The following CDH4 variants were observed in gnomAD, a reference collection of about 807,000 sequenced individuals.
The protein encoded by CDH4 is cadherin 4, also known as cadherin-4.
Under a neutral mutation model 86.0 loss-of-function variants are expected in CDH4, and 33 were observed. The ratio of observed to expected loss-of-function variants is 0.38; its 90% confidence interval spans 0.29 to 0.51. The LOEUF is 0.51. Among genes scored for constraint, CDH4 ranks in the 20% least tolerant of loss-of-function variants. The pLI is 0.86. For missense variants in CDH4, 1,114 were observed against 1,307.4 expected, an observed-to-expected ratio of 0.85 and a Z score of 2.28; for synonymous variants, 555 against 549.4, an observed-to-expected ratio of 1.01 and a Z score of -0.14.
intron 2 of CDH4, among the ~76,000 whole-genome samples, chr20:61,385,780 GC>G (rs1172233147): frequency 1.3e-5 from 2 of 152,128 alleles, no homozygotes; most frequent in African/African-American, 4.8e-5. Flanking sequence ...CGTGGGAGAA[GC>G]CGTACTCCCC....
intron 2 of CDH4, among the ~76,000 whole-genome samples, chr20:61,503,442 CT>C (rs1277684087): frequency 6.6e-6 from 1 of 152,214 alleles, no homozygotes; most frequent in Non-Finnish European, 1.5e-5. Flanking sequence ...GAGAAAATTT[CT>C]TTTGAAAAAG....
chr20:61,705,446 TG>T (rs1222874100), intron 2 of CDH4, among the ~76,000 whole-genome samples: 1 of 152,260 alleles, frequency 6.6e-6, no homozygotes, highest in Non-Finnish European at 1.5e-5. Context: ...TATTGCTCAC[TG>T]GGTCTAACCC....
At chr20:61,631,625 C>T (rs1290703094) in intron 2 of CDH4, among the ~76,000 whole-genome samples, 1 of 152,070 alleles carries the variant, frequency 6.6e-6, no homozygotes, top group Non-Finnish European at 1.5e-5. Context: ...GCATGGGCAA[C>T]AAAGCAAAAC....
rs1320246601 is a variant in CDH4 at position 61,821,952 on chromosome 20, G to A, written c.577-22716G>A. On this transcript the variant is annotated intron_variant, in intron 4 of 15. Transcript: ENST00000614565. ...GCCTCCTTGTGTGGGGTGCAGACAG[G>A]ATTCCCCAGGCTCTTCATGAGCAAG... 2.0e-5 allele frequency among the ~76,000 whole-genome samples: 3 copies of A among 152,250 alleles called. No individual in the cohort carries two copies. In the East Asian group the frequency reaches 5.8e-4, roughly 29 times the overall value.
At chr20:61,434,276 G>T (rs928795071) in intron 2 of CDH4, among the ~76,000 whole-genome samples, 2 of 152,104 alleles carry the variant, frequency 1.3e-5, no homozygotes, top group African/African-American at 4.8e-5. Context: ...TTGCATAATC[G>T]AATTTAGCCC....
intron 2 of CDH4, among the ~76,000 whole-genome samples, chr20:61,669,075 C>T (rs2087358400): frequency 6.6e-6 from 1 of 152,172 alleles, no homozygotes; most frequent in Non-Finnish European, 1.5e-5. Context: ...GGGGATGGTG[C>T]CTGCCATAGC....
chr20:61,606,893 C>T (rs1311735249), intron 2 of CDH4, among the ~76,000 whole-genome samples: 1 of 152,248 alleles, frequency 6.6e-6, no homozygotes, highest in Non-Finnish European at 1.5e-5. Context: ...CAGGCTACCG[C>T]CGGGATGTCC....
intron 3 of CDH4, among the ~76,000 whole-genome samples, chr20:61,768,190 T>TAC (rs375855009): frequency 7.9e-5 from 12 of 152,028 alleles, no homozygotes; most frequent in South Asian, 4.2e-4. Context: ...ATGTGCTCTA[T>TAC]ACACACACAC....
intron 2 of CDH4, among the ~76,000 whole-genome samples, chr20:61,639,466 A>C (rs143038835): frequency 5.2e-4 from 79 of 152,350 alleles, no homozygotes; most frequent in African/African-American, 1.8e-3. Context: ...ATGCTGGCTA[A>C]TGTTCAATGC....
At chr20:61,827,797 G>A (rs1301836456) in intron 4 of CDH4, among the ~76,000 whole-genome samples, 3 of 152,160 alleles carry the variant, frequency 2.0e-5, no homozygotes, top group African/African-American at 7.2e-5. Context: ...AGAGACGACA[G>A]GGTCACACCA....
At chr20:61,586,589 A>C (rs1488994571) in intron 2 of CDH4, among the ~76,000 whole-genome samples, 4 of 152,220 alleles carry the variant, frequency 2.6e-5, no homozygotes, top group Non-Finnish European at 4.4e-5. Flanking sequence ...TTCTGAAGGA[A>C]AATTAAGCAG....
chr20:61,752,097 C>T (rs564049830), intron 3 of CDH4, among the ~76,000 whole-genome samples: 1 of 152,204 alleles, frequency 6.6e-6, no homozygotes, highest in East Asian at 1.9e-4. Context: ...TTTGGGAGGC[C>T]AAGGTGGGCA....
chr20:61,816,017 G>A (rs1407927902), intron 4 of CDH4, among the ~76,000 whole-genome samples: 1 of 152,186 alleles, frequency 6.6e-6, no homozygotes, highest in Non-Finnish European at 1.5e-5. Flanking sequence ...CATAAACCCA[G>A]GGAAGCTGCA....
chr20:61,343,364 G>C (rs538224334), intron 2 of CDH4, among the ~76,000 whole-genome samples: 1 of 152,216 alleles, frequency 6.6e-6, no homozygotes, highest in Non-Finnish European at 1.5e-5. Context: ...TTATATCAAG[G>C]GATTGGCTGG....
chr20:61,279,450 TTG>T (rs1167511857), intron 2 of CDH4, among the ~76,000 whole-genome samples: 1 of 152,120 alleles, frequency 6.6e-6, no homozygotes, highest in African/African-American at 2.4e-5. Flanking sequence ...GCCCTGGGGT[TTG>T]TGTTACCCTC....
At chr20:61,719,054 A>T (rs202059300) in intron 2 of CDH4, 1 of 471,086 alleles carries the variant, frequency 2.1e-6, no homozygotes, top group South Asian at 1.6e-5. Flanking sequence ...CCCTGGCCAC[A>T]CTCGTGCTAA....
intron 8 of CDH4, among the ~76,000 whole-genome samples, chr20:61,898,891 A>G (rs1985253116): frequency 6.6e-6 from 1 of 152,208 alleles, no homozygotes; most frequent in Non-Finnish European, 1.5e-5. Flanking sequence ...GCGAGCAGAC[A>G]AGGTTCCAGC....
At chr20:61,500,211 G>A (rs2085690986) in intron 2 of CDH4, among the ~76,000 whole-genome samples, 1 of 152,202 alleles carries the variant, frequency 6.6e-6, no homozygotes, top group African/African-American at 2.4e-5. Flanking sequence ...AATAATGGAA[G>A]TATCATCATA....
intron 7 of CDH4, among the ~76,000 whole-genome samples, chr20:61,874,500 C>T (rs1050258625): frequency 4.6e-5 from 7 of 152,196 alleles, no homozygotes; most frequent in African/African-American, 7.2e-5. Flanking sequence ...CCCTTCATCT[C>T]AAGTGCCCGC....
Sources: gnomAD v4.1 joint callset for allele counts (sites outside exome capture counted in the v4.1 genomes callset) on GRCh38, gnomAD v4.1.1 for gene constraint, MANE v1.5 for transcripts, NCBI Gene and HGNC (gene_info 2026-07-23, HGNC 2026-07-21) for gene names.